The following NOVA2 variants were observed in gnomAD, a reference collection of about 807,000 sequenced individuals.
NOVA2 encodes the protein NOVA alternative splicing regulator 2, also known as RNA-binding protein Nova-2.
NOVA2 carries 9 observed loss-of-function variants against 22.5 expected under a neutral mutation model. That is an observed-to-expected ratio of 0.40 (90% confidence interval 0.24 to 0.70). The LOEUF (loss-of-function observed/expected upper bound fraction) is 0.70, where lower values mean the gene tolerates loss of function less well. NOVA2 is among the 30% of genes least tolerant of loss of function. The pLI, the probability that NOVA2 is intolerant of heterozygous loss-of-function variation, is 0.38. For missense variants in NOVA2, 383 were observed against 682.8 expected (o/e 0.56, Z 4.89); for synonymous variants, 318 against 335.2 (o/e 0.95, Z 0.56).
At chr19:45,972,311 CTCTCTGG>C (rs1379384416) in intron 1 of NOVA2, among the ~76,000 whole-genome samples, 1 of 152,096 alleles carries the variant, frequency 6.6e-6, no homozygotes, top group Non-Finnish European at 1.5e-5. Context: ...CAGCCACAGC[CTCTCTGG>C]AGTCACACCC....
At chr19:45,958,313 G>A (rs1303625116) in intron 2 of NOVA2, among the ~76,000 whole-genome samples, 1 of 151,930 alleles carries the variant, frequency 6.6e-6, no homozygotes, top group Admixed American at 6.6e-5. Flanking sequence ...GGAGTTAAGT[G>A]CCAGGTAGGT....
intron 1 of NOVA2, among the ~76,000 whole-genome samples, chr19:45,963,508 A>C (rs1289093531): frequency 2.0e-5 from 3 of 150,978 alleles, no homozygotes; most frequent in Non-Finnish European, 2.9e-5. Flanking sequence ...TGTGCCTGGC[A>C]GCTTCTCTTC....
intron 2 of NOVA2, among the ~76,000 whole-genome samples, chr19:45,957,921 A>T (rs1226306499): frequency 1.3e-5 from 2 of 151,602 alleles, no homozygotes; most frequent in African/African-American, 2.4e-5. Flanking sequence ...ATATGGTGAA[A>T]CCCTGTCTCT....
intron 1 of NOVA2, among the ~76,000 whole-genome samples, chr19:45,972,829 C>G (rs1968250429): frequency 6.6e-6 from 1 of 152,250 alleles, no homozygotes; most frequent in South Asian, 2.1e-4. Context: ...TGGGACAACC[C>G]TTGTTCAGGA....
rs1399892853 is a variant in NOVA2 at position 45,940,786 on chromosome 19, G to A, written c.556C>T (p.Pro186Ser). ...CTCACGGCCTTGTGCACCTGCTCGG[G>A]CTCGCCGCTGACCGTCACCACGCGC... ...QERVVTVSGE[P>S]EQVHKAVSAI... Residue 186 changes from proline to serine, a missense_variant, in exon 4 of 4, where the codon CCC (proline) becomes TCC (serine). Pro to Ser is a moderately conservative substitution (Grantham distance 74, BLOSUM62 -1). This residue lies in a region of NOVA2 where 349 missense variants were observed against 578.1 expected (regional missense o/e 0.60). Transcript: ENST00000263257. 1.2e-6 allele frequency: 2 copies of A among 1,607,246 alleles called. No homozygotes were observed. Among genetic ancestry groups the A allele is most frequent in the Non-Finnish European group, 8.5e-7 (1 of 1,179,900 alleles).
chr19:45,944,183 G>A (rs1967803391), intron 3 of NOVA2, among the ~76,000 whole-genome samples: 1 of 152,148 alleles, frequency 6.6e-6, no homozygotes, highest in Non-Finnish European at 1.5e-5. Context: ...ACTCACACCT[G>A]TAATCCCGGC....
chr19:45,949,383 C>G (rs914353055), intron 3 of NOVA2, among the ~76,000 whole-genome samples: 3 of 149,270 alleles, frequency 2.0e-5, no homozygotes, highest in Admixed American at 6.7e-5. Context: ...GAAGATGGAA[C>G]AGCATGTTCA....
chr19:45,970,786 G>A (rs1968223161), intron 1 of NOVA2, among the ~76,000 whole-genome samples: 1 of 152,154 alleles, frequency 6.6e-6, no homozygotes, highest in Non-Finnish European at 1.5e-5. Flanking sequence ...ATTGAAAGAA[G>A]CCCTCAATTT....
At chr19:45,967,524 AG>A (rs1168068278) in intron 1 of NOVA2, 1 of 152,218 alleles carries the variant, frequency 6.6e-6, no homozygotes, top group Non-Finnish European at 1.5e-5. Flanking sequence ...AAGAGTCTGA[AG>A]AACTGAAGAT....
intron 1 of NOVA2, among the ~76,000 whole-genome samples, chr19:45,963,745 T>G (rs2146424936): frequency 6.6e-6 from 1 of 152,254 alleles, no homozygotes; most frequent in South Asian, 2.1e-4. Context: ...TTGGCCAGGA[T>G]GGTCTGGGTC....
chr19:45,953,659 G>A, intron 3 of NOVA2, 121 bp downstream of exon 3: 1 of 1,248,730 alleles, frequency 8.0e-7, no homozygotes, highest in Non-Finnish European at 1.2e-6. Context: ...TGTGGTCTTT[G>A]ACTGATGAGA....
chr19:45,954,727 T>C (rs1306293579), intron 2 of NOVA2, among the ~76,000 whole-genome samples: 1 of 150,908 alleles, frequency 6.6e-6, no homozygotes, highest in Non-Finnish European at 1.5e-5. Context: ...ATCCTTCTCA[T>C]TTCTGCATGA....
intron 2 of NOVA2, among the ~76,000 whole-genome samples, 175 bp downstream of exon 2, chr19:45,960,835 C>T (rs1968085136): frequency 1.3e-5 from 2 of 152,174 alleles, no homozygotes; most frequent in African/African-American, 2.4e-5. Context: ...CCCATCTGCT[C>T]GGCCAGGCCC....
chr19:45,959,449 A>G lies in NOVA2; in HGVS notation c.229+1561T>C, dbSNP rs540774160. ...GCTGCCTGGCCTGTGGGGTGTGTCAATGGGCTGGGAGGGGACGACATGTCT... is the reference window on the plus strand; with the variant it reads ...GCTGCCTGGCCTGTGGGGTGTGTCAGTGGGCTGGGAGGGGACGACATGTCT... On this transcript the variant is annotated intron_variant, in intron 2 of 3. Transcript: ENST00000263257. 4.6e-5 allele frequency among the ~76,000 whole-genome samples: 7 copies of G among 152,244 alleles called. No individual in the cohort carries two copies. In the East Asian group the frequency reaches 5.8e-4, roughly 13 times the overall value.
In NOVA2 at chr19:45,939,560, A is replaced by G. The variant is rs1967711170; in HGVS notation, c.*303T>C. ...TTTCTATTAAAATCAACAAAATGCA[A>G]TATATACAGATATCACACAGACCTG... On this transcript the variant is annotated 3_prime_UTR_variant, in exon 4 of 4. Coordinates refer to ENST00000263257, the MANE Select transcript of NOVA2 (RefSeq NM_002516.4). The G allele has an allele frequency of 3.0e-6, 1 of 329,286 alleles. No homozygotes were observed. Among genetic ancestry groups the G allele is most frequent in the African/African-American group, 2.1e-5 (1 of 46,750 alleles). The allele number at this position is 329,286 out of a possible 1,614,324, so 20.4% of individuals were successfully genotyped here. A position where few individuals can be genotyped will look rare whatever the true frequency, so the allele number is the denominator to read the frequency against.
chr19:45,963,382 C>G (rs146501860), intron 1 of NOVA2, among the ~76,000 whole-genome samples: 78 of 151,956 alleles, frequency 5.1e-4, no homozygotes, highest in African/African-American at 1.8e-3. Context: ...GACTTGGCCC[C>G]ACCCACCTTT....
rs189998720 is a variant in NOVA2, at chr19:45,946,829, C to T, written c.397-5884G>A. Among the ~76,000 whole-genome samples, 21 of 150,758 alleles carry T rather than the reference C, an allele frequency of 1.4e-4. No individual in the cohort carries two copies. The East Asian group carries it at 3.3e-3, about 24-fold the overall frequency. On this transcript the variant is annotated intron_variant, in intron 3 of 3. Transcript: ENST00000263257. ...GGAGGTTGCAGCGAGCCGAGATCAT[C>T]GCACCACTGCATTCCAGCCTGGTGA...
chr19:45,970,511 G>T (rs1208825623), intron 1 of NOVA2, among the ~76,000 whole-genome samples: 1 of 151,770 alleles, frequency 6.6e-6, no homozygotes, highest in Non-Finnish European at 1.5e-5. Flanking sequence ...GAGTAGCTCG[G>T]ACTATAGGCG....
rs971093437 is a variant in NOVA2 at position 45,961,160 on chromosome 19, G to A, written c.86-7C>T. On this transcript the variant is annotated splice_polypyrimidine_tract_variant and splice_region_variant and intron_variant, in intron 1 of 3. Coordinates refer to ENST00000263257, the MANE Select transcript of NOVA2 (RefSeq NM_002516.4). ...AGGAAGTATTCGCCTTCCTCTGCGG[G>A]GGCACACAGGGTGGAGGGGAGTCAG... is the stretch of plus-strand genomic sequence containing the variant. The A allele has an allele frequency of 1.3e-6, 2 of 1,597,494 alleles. No homozygotes were observed. The highest frequency in any genetic ancestry group is 1.1e-5 in the South Asian group (1 of 87,892).
Sources: gnomAD v4.1 joint callset for allele counts (sites outside exome capture counted in the v4.1 genomes callset) on GRCh38, gnomAD v4.1.1 for gene constraint, gnomAD v4.1.1 regional missense constraint, MANE v1.5 for transcripts, NCBI Gene and HGNC (gene_info 2026-07-23, HGNC 2026-07-21) for gene names.